Variants in RASA3 observed in about 807,000 individuals in gnomAD.
RASA3 encodes ras GTPase-activating protein 3.
Under a neutral mutation model 110.0 loss-of-function variants are expected in RASA3, and 73 were observed. That is an observed-to-expected ratio of 0.66 (90% confidence interval 0.55 to 0.81). The LOEUF is 0.81. Among genes scored for constraint, RASA3 ranks in the 30% least tolerant of loss-of-function variants. RASA3 has a pLI of 0.00. For synonymous variants in RASA3, 500 were observed against 451.4 expected, an observed-to-expected ratio of 1.11 and a Z score of -1.37; for missense variants, 976 against 1,113.2, an observed-to-expected ratio of 0.88 and a Z score of 1.75.
In RASA3 at chr13:113,998,194, G is replaced by C. The variant is rs1223534593; in HGVS notation, c.1932+1391C>G. Among the ~76,000 whole-genome samples, 3 of 152,174 alleles carry C rather than the reference G, an allele frequency of 2.0e-5. No individual in the cohort carries two copies. The East Asian group carries it at 5.8e-4, about 29-fold the overall frequency. ...CTGCTTCCTTCGAGGGACGGTCTCA[G>C]GGCCAGGTTCCGGCCATCCCCCTCA... On this transcript the variant is annotated intron_variant, in intron 20 of 23. Coordinates refer to ENST00000334062, the MANE Select transcript of RASA3 (RefSeq NM_007368.4).
chr13:114,062,078 C>G (rs1001387076), intron 2 of RASA3, among the ~76,000 whole-genome samples: 1 of 152,172 alleles, frequency 6.6e-6, no homozygotes, highest in Non-Finnish European at 1.5e-5. Flanking sequence ...ATCTCCCTTT[C>G]CACTGTGCCT....
intron 2 of RASA3, among the ~76,000 whole-genome samples, chr13:114,064,912 C>T (rs1349776232): frequency 2.6e-5 from 4 of 152,240 alleles, no homozygotes; most frequent in Non-Finnish European, 5.9e-5. Flanking sequence ...CGCCTGAAAT[C>T]CTGCCATGTG....
chr13:114,101,890 A>G (rs1048248559), intron 1 of RASA3, among the ~76,000 whole-genome samples: 1 of 152,140 alleles, frequency 6.6e-6, no homozygotes, highest in African/African-American at 2.4e-5. Flanking sequence ...ACCCTGGACC[A>G]CGGCACAAGG....
In RASA3 at chr13:114,112,867, C is replaced by T. The variant is rs751682615; in HGVS notation, c.55+19568G>A. Among the ~76,000 whole-genome samples the T allele has an allele frequency of 6.6e-6, 1 of 152,110 alleles. No homozygotes were observed. Among genetic ancestry groups the T allele is most frequent in the African/African-American group, 2.4e-5 (1 of 41,438 alleles). On this transcript the variant is annotated intron_variant, in intron 1 of 23. Coordinates refer to ENST00000334062, the MANE Select transcript of RASA3 (RefSeq NM_007368.4). The surrounding 1 kb of genome is among the most constrained non-coding windows in gnomAD (Gnocchi z 4.8). ...GAATCCTCAGCAAAAAAGCAACACT[C>T]GCCGTTCAGAGAGTGAATGAGAGGC...
At chr13:114,002,393 G>A (rs944581535) in intron 18 of RASA3, among the ~76,000 whole-genome samples, 8 of 152,170 alleles carry the variant, frequency 5.3e-5, no homozygotes, top group Non-Finnish European at 7.4e-5. Context: ...GCCGAACGCC[G>A]TTCATTCCAG....
rs2080227424 is a variant in RASA3 at position 114,112,100 on chromosome 13, C to CG, written c.55+20334_55+20335insC. On this transcript the variant is annotated intron_variant, in intron 1 of 23. Transcript: ENST00000334062. This position sits in a 1 kb window ranked among gnomAD's most constrained non-coding sequence, Gnocchi z 4.8. ...CCCTGGAAACAGCAGCCCCCAGGCA[C>CG]CCCCCCCAGCAACTGGGACAAGGGC... Among the ~76,000 whole-genome samples, 1 of 9,484 alleles carries CG rather than the reference C, an allele frequency of 1.1e-4. No homozygotes were observed. Among genetic ancestry groups the CG allele is most frequent in the African/African-American group, 2.9e-4 (1 of 3,432 alleles). The allele number at this position is 9,484 out of a possible 152,430, so 6.2% of individuals were successfully genotyped here.
intron 1 of RASA3, chr13:114,078,025 T>A: frequency 1.0e-6 from 1 of 975,876 alleles, no homozygotes; most frequent in Non-Finnish European, 1.2e-6. Flanking sequence ...AGAAACATCC[T>A]GGTTGCTATG....
intron 4 of RASA3, among the ~76,000 whole-genome samples, chr13:114,040,349 A>G (rs9562207): frequency 0.034 from 3,690 of 107,864 alleles, 61 homozygotes; most frequent in East Asian, 0.15. Context: ...CCCAAAATCC[A>G]TGGCAGAGAC....
At chr13:114,046,137 T>C (rs1209264423) in intron 3 of RASA3, among the ~76,000 whole-genome samples, 1 of 152,180 alleles carries the variant, frequency 6.6e-6, no homozygotes, top group Non-Finnish European at 1.5e-5. Flanking sequence ...AAGAACAAAT[T>C]TGATGATCTT....
intron 1 of RASA3, among the ~76,000 whole-genome samples, chr13:114,103,554 A>C (rs913288407): frequency 8.3e-6 from 1 of 120,530 alleles, no homozygotes. Flanking sequence ...GGCCACAGAC[A>C]CCCACCCCCG....
At position 114,048,571 on chromosome 13, in the gene RASA3, G is replaced by T. The variant is rs985258348; in HGVS notation, c.277+3481C>A. On this transcript the variant is annotated intron_variant, in intron 3 of 23. Transcript: ENST00000334062. This position sits in a 1 kb window ranked among gnomAD's most constrained non-coding sequence, Gnocchi z 4.3. ...TCCGTGGTTCCCGCATCCCAGCTGC[G>T]GGGAGCCATAGTTTCCGGTCTGTGC... 6.6e-6 allele frequency among the ~76,000 whole-genome samples: 1 copy of T among 152,206 alleles called. No individual in the cohort carries two copies. Among genetic ancestry groups the T allele is most frequent in the Non-Finnish European group, 1.5e-5 (1 of 68,032 alleles).
intron 21 of RASA3, among the ~76,000 whole-genome samples, chr13:113,992,944 G>A (rs190436208): frequency 1.2e-4 from 18 of 152,278 alleles, no homozygotes; most frequent in Admixed American, 7.8e-4. Flanking sequence ...CTGAAATCAC[G>A]CAGTACTGAG....
At chr13:114,027,495 C>T (rs1289020243) in intron 6 of RASA3, 34 bp from the exon 7 acceptor site, 1 of 1,513,940 alleles carries the variant, frequency 6.6e-7, no homozygotes, top group African/African-American at 1.4e-5. Context: ...GGGATTAAAA[C>T]AACACTGCTG....
chr13:114,013,464 TCTCC>T (rs1404744588), intron 14 of RASA3, among the ~76,000 whole-genome samples: 6 of 150,418 alleles, frequency 4.0e-5, no homozygotes, highest in South Asian at 2.1e-4. Context: ...CCTTTGTCTC[TCTCC>T]CTGTCTCTCT....
At chr13:114,066,318 C>G (rs2079448968) in intron 2 of RASA3, among the ~76,000 whole-genome samples, 1 of 152,230 alleles carries the variant, frequency 6.6e-6, no homozygotes, top group African/African-American at 2.4e-5. Flanking sequence ...CACCTCAAAC[C>G]CCAAACCCTC....
rs2052815855 is a variant in RASA3 at position 113,978,091 on chromosome 13, T to G, written c.*1256A>C. ...AACGGCGCTTCCCACACACCTGCCG[T>G]CTGCATCCCGGGAGGACGCCCTTTG... On this transcript the variant is annotated 3_prime_UTR_variant, in exon 24 of 24. Transcript: ENST00000334062. The G allele has an allele frequency of 6.6e-6, 1 of 152,218 alleles. No homozygotes were observed. The highest frequency in any genetic ancestry group is 6.5e-5 in the Admixed American group (1 of 15,282). The allele number at this position is 152,218 out of a possible 1,614,324, so 9.4% of individuals were successfully genotyped here.
chr13:114,101,755 G>A (rs1319454290), intron 1 of RASA3, among the ~76,000 whole-genome samples: 3 of 152,196 alleles, frequency 2.0e-5, no homozygotes, highest in African/African-American at 4.8e-5. Flanking sequence ...GGCTGCACCC[G>A]GGGTCCTGGG....
chr13:114,108,459 CTCCG>C lies in RASA3; in HGVS notation c.55+23972_55+23975del, dbSNP rs573787679. 1.0e-3 allele frequency among the ~76,000 whole-genome samples: 132 copies of C among 127,786 alleles called. 2 individuals are homozygous for C. Among genetic ancestry groups the C allele is most frequent in the East Asian group, 1.5e-3 (6 of 3,976 alleles). 83.8% of individuals were successfully genotyped at this position (127,786 alleles called of 152,430 possible). A position where few individuals can be genotyped will look rare whatever the true frequency, so the allele number is the denominator to read the frequency against. On this transcript the variant is annotated intron_variant, in intron 1 of 23. Coordinates refer to ENST00000334062, the MANE Select transcript of RASA3 (RefSeq NM_007368.4). ...CATCCATCACCCCCCGTCCGTCATC[CTCCG>C]TCCATCACCCCACGTCCATGATCCC...
At chr13:114,041,119 C>G in intron 3 of RASA3, 25 bp from the exon 4 acceptor site, 1 of 1,601,280 alleles carries the variant, frequency 6.2e-7, no homozygotes, top group African/African-American at 1.3e-5. Context: ...GAGAAGACTT[C>G]ACCACGGGCA....
Sources: gnomAD v4.1 joint callset for allele counts (sites outside exome capture counted in the v4.1 genomes callset) on GRCh38, gnomAD v4.1.1 for gene constraint, Gnocchi (gnomAD v3.1) non-coding constraint, MANE v1.5 for transcripts, NCBI Gene and HGNC (gene_info 2026-07-23, HGNC 2026-07-21) for gene names.